The following KCNC2 variants were observed in gnomAD, a reference collection of about 807,000 sequenced individuals.
KCNC2 encodes the protein potassium voltage-gated channel subfamily C member 2.
In KCNC2, 21 loss-of-function variants were observed where a neutral mutation model predicts 44.5. The ratio of observed to expected loss-of-function variants is 0.47; its 90% confidence interval spans 0.33 to 0.68. The LOEUF (loss-of-function observed/expected upper bound fraction) is 0.68, where lower values mean the gene tolerates loss of function less well. Ranked by LOEUF, KCNC2 falls within the 30% of genes least tolerant of loss-of-function variation. The pLI, the probability that KCNC2 is intolerant of heterozygous loss-of-function variation, is 0.01. For synonymous variants in KCNC2, 391 were observed against 339.1 expected (o/e 1.15, Z -1.68); for missense variants, 589 against 826.2 (o/e 0.71, Z 3.52).
intron 2 of KCNC2, among the ~76,000 whole-genome samples, chr12:75,140,733 A>G (rs1592954307): frequency 6.6e-6 from 1 of 151,824 alleles, no homozygotes; most frequent in Non-Finnish European, 1.5e-5. Flanking sequence ...GAATAATCAT[A>G]GACTTCAGTG....
At chr12:75,142,885 G>A (rs2137414612) in intron 2 of KCNC2, among the ~76,000 whole-genome samples, 2 of 152,312 alleles carry the variant, frequency 1.3e-5, no homozygotes, top group Middle Eastern at 3.4e-3. Flanking sequence ...TCCAAAGCAA[G>A]GGAACACAGA....
rs555078111 is a variant in KCNC2, at chr12:75,178,469, G to A, written c.687+28828C>T. On this transcript the variant is annotated intron_variant, in intron 2 of 4. Coordinates refer to ENST00000549446, the MANE Select transcript of KCNC2 (RefSeq NM_139137.4). ...ATTGATGCTGAAGGCAGTGTGTAAAGTTTGTTTCTTAAAATTGTGTTTTGT... is the reference window on the plus strand; with the variant it reads ...ATTGATGCTGAAGGCAGTGTGTAAAATTTGTTTCTTAAAATTGTGTTTTGT... Among the ~76,000 whole-genome samples, 69 of 152,108 alleles carry A rather than the reference G, an allele frequency of 4.5e-4. 1 individual carries two copies. The highest frequency in any genetic ancestry group is 1.5e-3 in the African/African-American group (64 of 41,542).
intron 4 of KCNC2, among the ~76,000 whole-genome samples, chr12:75,046,680 ATATT>A (rs946767460): frequency 2.9e-4 from 44 of 152,014 alleles, no homozygotes; most frequent in African/African-American, 8.2e-4. Flanking sequence ...TCTTCAAAAT[ATATT>A]TAAAGATTTT....
intron 2 of KCNC2, among the ~76,000 whole-genome samples, chr12:75,140,729 T>C (rs1300638791): frequency 6.6e-6 from 1 of 151,516 alleles, no homozygotes; most frequent in East Asian, 1.9e-4. Flanking sequence ...TGAAGAATAA[T>C]CATAGACTTC....
At chr12:75,184,645 A>T (rs368996557) in intron 2 of KCNC2, among the ~76,000 whole-genome samples, 2 of 151,930 alleles carry the variant, frequency 1.3e-5, no homozygotes, top group East Asian at 3.9e-4. Context: ...GTTGCTTGAT[A>T]AAAAAAATGC....
At chr12:75,081,384 T>C (rs1252040421) in intron 2 of KCNC2, among the ~76,000 whole-genome samples, 1 of 151,042 alleles carries the variant, frequency 6.6e-6, no homozygotes, top group Non-Finnish European at 1.5e-5. Flanking sequence ...TTTTTTTTTC[T>C]GAACTGCTAC....
intron 2 of KCNC2, among the ~76,000 whole-genome samples, chr12:75,195,045 A>G (rs2030641971): frequency 6.6e-6 from 1 of 152,126 alleles, no homozygotes; most frequent in African/African-American, 2.4e-5. Context: ...TCACATTATC[A>G]TTTTCATTTA....
At position 75,207,238 on chromosome 12, in the gene KCNC2, G is replaced by A; in HGVS notation, c.687+59C>T. 6.7e-7 allele frequency: 1 copy of A among 1,501,534 alleles called. No individual in the cohort carries two copies. The highest frequency in any genetic ancestry group is 1.3e-5 in the South Asian group (1 of 77,326). 93.0% of individuals were successfully genotyped at this position (1,501,534 alleles called of 1,614,324 possible). ...GCCCTGGGGTGGAAAAGAACAGAAA[G>A]TTGGGGAGGGAGTTGGGAGAAGTTG... On this transcript the variant is annotated intron_variant, in intron 2 of 4. Coordinates refer to ENST00000549446, the MANE Select transcript of KCNC2 (RefSeq NM_139137.4). This position sits in a 1 kb window ranked among gnomAD's most constrained non-coding sequence, Gnocchi z 4.1.
intron 2 of KCNC2, among the ~76,000 whole-genome samples, chr12:75,194,323 T>A (rs2030567205): frequency 6.6e-6 from 1 of 152,146 alleles, no homozygotes; most frequent in African/African-American, 2.4e-5. Context: ...GGGATCATCA[T>A]GTGAAGATGG....
intron 2 of KCNC2, among the ~76,000 whole-genome samples, chr12:75,167,503 T>C (rs1891537874): frequency 2.0e-5 from 3 of 151,262 alleles, no homozygotes; most frequent in Admixed American, 6.6e-5. Flanking sequence ...GAAAAGAAAG[T>C]CATAAGTAAA....
chr12:75,060,637 T>C (rs1882222043), intron 2 of KCNC2, among the ~76,000 whole-genome samples: 1 of 151,930 alleles, frequency 6.6e-6, no homozygotes, highest in Non-Finnish European at 1.5e-5. Context: ...GGCTAATTTT[T>C]GTATTTTTTT....
At chr12:75,048,413 G>A (rs1277529930) in intron 3 of KCNC2, 96 bp from the exon 4 acceptor site, 10 of 913,656 alleles carry the variant, frequency 1.1e-5, no homozygotes, top group Non-Finnish European at 1.6e-5. Flanking sequence ...CCAGTCACTC[G>A]ATATACAACA....
At chr12:75,088,862 CAACT>C (rs1885243952) in intron 2 of KCNC2, among the ~76,000 whole-genome samples, 1 of 151,808 alleles carries the variant, frequency 6.6e-6, no homozygotes, top group African/African-American at 2.4e-5. Flanking sequence ...ATATATAAAA[CAACT>C]AATCTATAAA....
chr12:75,101,637 C>T (rs750353549), intron 2 of KCNC2, among the ~76,000 whole-genome samples: 13 of 151,956 alleles, frequency 8.6e-5, no homozygotes, highest in Non-Finnish European at 1.8e-4. Context: ...TATACTTCTG[C>T]CTTAGGAAAT....
chr12:75,114,481 C>T (rs1054246949), intron 2 of KCNC2, among the ~76,000 whole-genome samples: 8 of 152,182 alleles, frequency 5.3e-5, no homozygotes, highest in African/African-American at 1.9e-4. Flanking sequence ...AAATGGACTA[C>T]GTCTTGGCCT....
At position 75,207,546 on chromosome 12, in the gene KCNC2, G is replaced by C; in HGVS notation, c.438C>G (p.Thr146=). 6.2e-7 allele frequency: 1 copy of C among 1,612,216 alleles called. No homozygotes were observed. Among genetic ancestry groups the C allele is most frequent in the Non-Finnish European group, 8.5e-7 (1 of 1,179,876 alleles). Residue 146 remains threonine, a synonymous_variant, in exon 2 of 5, where the codon ACC becomes ACG. Coordinates refer to ENST00000549446, the MANE Select transcript of KCNC2 (RefSeq NM_139137.4). The surrounding 1 kb of genome is among the most constrained non-coding windows in gnomAD (Gnocchi z 4.1). ...TCATCCAGCAGCAGGGCTCCACGTC[G>C]GTCTCGTCGATGCCCCAGAAGGCCA... ...EELAFWGIDE[T]DVEPCCWMTY...
chr12:75,074,796 C>T (rs1883763349), intron 2 of KCNC2, among the ~76,000 whole-genome samples: 2 of 152,250 alleles, frequency 1.3e-5, no homozygotes, highest in East Asian at 1.9e-4. Flanking sequence ...TCAAAAACAC[C>T]TGAAGTGCTG....
intron 2 of KCNC2, among the ~76,000 whole-genome samples, chr12:75,084,503 A>C (rs1356183600): frequency 6.6e-6 from 1 of 151,906 alleles, no homozygotes; most frequent in Admixed American, 6.6e-5. Flanking sequence ...GTCTCATGAG[A>C]TCTGATGAGT....
chr12:75,137,663 C>A (rs987357959), intron 2 of KCNC2, among the ~76,000 whole-genome samples: 10 of 152,146 alleles, frequency 6.6e-5, no homozygotes, highest in Non-Finnish European at 1.2e-4. Context: ...TACAGATCAT[C>A]CATATTTCCG....
Sources: allele counts gnomAD v4.1 joint callset (sites outside exome capture counted in the v4.1 genomes callset), GRCh38; gene constraint gnomAD v4.1.1; non-coding constraint Gnocchi (gnomAD v3.1); transcripts MANE v1.5; gene names NCBI Gene and HGNC (gene_info 2026-07-23, HGNC 2026-07-21).